Variants in DYNC1LI2 observed in about 807,000 individuals in gnomAD.
DYNC1LI2 encodes the protein cytoplasmic dynein 1 light intermediate chain 2.
A neutral mutation model predicts 57.8 loss-of-function variants in DYNC1LI2; 19 were observed. The observed-to-expected ratio is 0.33, with a 90% CI of 0.23 to 0.48. The LOEUF is 0.48. Among genes scored for constraint, DYNC1LI2 ranks in the 20% least tolerant of loss-of-function variants. The probability of loss-of-function intolerance (pLI) is 0.99; values close to 1 mark genes in which losing one functional copy is unlikely to be tolerated. For missense variants in DYNC1LI2, 470 were observed against 604.2 expected (o/e 0.78, Z 2.33); for synonymous variants, 256 against 233.4 (o/e 1.10, Z -0.88).
At chr16:66,747,374 C>T (rs1471263435) in intron 3 of DYNC1LI2, among the ~76,000 whole-genome samples, 1 of 151,894 alleles carries the variant, frequency 6.6e-6, no homozygotes, top group African/African-American at 2.4e-5. Flanking sequence ...CCGCGCCCAG[C>T]CACCCATGCC....
chr16:66,729,111 C>A lies in DYNC1LI2; in HGVS notation c.1042-12G>T. 1 of 1,614,064 alleles carries A rather than the reference C, an allele frequency of 6.2e-7. No homozygotes were observed. Among genetic ancestry groups the A allele is most frequent in the Non-Finnish European group, 8.5e-7 (1 of 1,180,032 alleles). On this transcript the variant is annotated splice_polypyrimidine_tract_variant and intron_variant, in intron 8 of 12. Coordinates refer to ENST00000258198, the MANE Select transcript of DYNC1LI2 (RefSeq NM_006141.3). ...TTGTCGTGGACCAGCTGTGAAACAACATACATGTTTGTGGCCACAGGCCAA... is the reference window on the plus strand; with the variant it reads ...TTGTCGTGGACCAGCTGTGAAACAAAATACATGTTTGTGGCCACAGGCCAA...
At chr16:66,747,935 AAACC>A (rs954705732) in intron 3 of DYNC1LI2, among the ~76,000 whole-genome samples, 11 of 152,284 alleles carry the variant, frequency 7.2e-5, no homozygotes, top group Admixed American at 7.2e-4. Flanking sequence ...TCTACCAAAA[AAACC>A]AACCAACCAA....
Position 66,723,771 on chromosome 16 carries a change from C to T in DYNC1LI2, c.1430G>A (p.Arg477Gln), listed in dbSNP as rs776347746. The T allele has an allele frequency of 7.5e-6, 12 of 1,608,390 alleles. No homozygotes were observed. The highest frequency in any genetic ancestry group is 1.0e-5 in the Non-Finnish European group (12 of 1,179,016). ...GTTTGTTACCATAGAGTCTGGCTTT[C>T]GAGTCATTCTATCCAGTTCTTCCTG... ...NVQEELDRMT[R>Q]KPDSMVTNSS... The change falls in exon 13 of 13, where the codon CGA (arginine) becomes CAA (glutamine). Residue 477 changes from arginine to glutamine, a missense_variant. By Grantham distance (43) the Arg-to-Gln change is conservative. Transcript: ENST00000258198.
At chr16:66,745,738 T>C (rs1383585621) in intron 3 of DYNC1LI2, among the ~76,000 whole-genome samples, 1 of 151,620 alleles carries the variant, frequency 6.6e-6, no homozygotes, top group African/African-American at 2.4e-5. Flanking sequence ...ACCCCATCTC[T>C]ACAAAAGATA....
Position 66,732,477 on chromosome 16 carries a change from A to G in DYNC1LI2, c.794-3T>C. The G allele has an allele frequency of 6.2e-7, 1 of 1,608,440 alleles. No homozygotes were observed. The highest frequency in any genetic ancestry group is 1.1e-5 in the South Asian group (1 of 89,978). On this transcript the variant is annotated splice_region_variant and splice_polypyrimidine_tract_variant and intron_variant, in intron 6 of 12. Transcript: ENST00000258198. ...TGTGTAAATCAAGGCAGCTCCATCT[A>G]ATCAATCTGCTCAAGAAAAATCAAT...
chr16:66,743,973 T>C (rs1196641222), intron 3 of DYNC1LI2, among the ~76,000 whole-genome samples: 1 of 152,250 alleles, frequency 6.6e-6, no homozygotes, highest in Admixed American at 6.5e-5. Flanking sequence ...TAAAATTTAA[T>C]GTCTGAAATC....
At chr16:66,746,680 T>C (rs951512109) in intron 3 of DYNC1LI2, among the ~76,000 whole-genome samples, 1 of 152,338 alleles carries the variant, frequency 6.6e-6, no homozygotes, top group South Asian at 2.1e-4. Flanking sequence ...ACAGATTACC[T>C]ACATCATGTT....
In DYNC1LI2 at chr16:66,723,451, T is replaced by C. The variant is rs556134457; in HGVS notation, c.*271A>G. 1.8e-6 allele frequency: 1 copy of C among 562,660 alleles called. No homozygotes were observed. Among genetic ancestry groups the C allele is most frequent in the South Asian group, 1.5e-5 (1 of 65,492 alleles). The allele number at this position is 562,660 out of a possible 1,614,324, so 34.9% of individuals were successfully genotyped here. A position where few individuals can be genotyped will look rare whatever the true frequency, so the allele number is the denominator to read the frequency against. On this transcript the variant is annotated 3_prime_UTR_variant, in exon 13 of 13. Transcript: ENST00000258198. ...CTCTTTCTTTCACTCTACCTTCCCC[T>C]CCACAAGAAGCCCAGATGTGCTTGC...
chr16:66,741,741 T>C (rs1319278377), intron 4 of DYNC1LI2, among the ~76,000 whole-genome samples: 1 of 151,608 alleles, frequency 6.6e-6, no homozygotes, highest in Non-Finnish European at 1.5e-5. Flanking sequence ...GGACAGAAGA[T>C]GATGTAACTG....
chr16:66,735,985 G>A (rs2017726112), intron 5 of DYNC1LI2, 90 bp downstream of exon 5: 1 of 1,507,838 alleles, frequency 6.6e-7, no homozygotes, highest in African/African-American at 1.4e-5. Context: ...AGTCTCCCTT[G>A]GGAAAAAAAC....
chr16:66,728,793 A>C (rs1255442918), intron 9 of DYNC1LI2, among the ~76,000 whole-genome samples: 1 of 152,234 alleles, frequency 6.6e-6, no homozygotes, highest in Non-Finnish European at 1.5e-5. Context: ...AAGAAAGAGC[A>C]CTTAAAAGAT....
At chr16:66,745,982 CCTAT>C (rs752401573) in intron 3 of DYNC1LI2, among the ~76,000 whole-genome samples, 206 of 151,834 alleles carry the variant, frequency 1.4e-3, no homozygotes, top group Non-Finnish European at 2.0e-3. Flanking sequence ...TAAAAAAAAA[CCTAT>C]CTTTTATTAA....
chr16:66,738,084 C>T (rs1001068869), intron 4 of DYNC1LI2, among the ~76,000 whole-genome samples: 1 of 152,208 alleles, frequency 6.6e-6, no homozygotes, highest in Non-Finnish European at 1.5e-5. Flanking sequence ...TCAAACATTT[C>T]AAACCACGAG....
chr16:66,749,470 G>A (rs972120069), intron 2 of DYNC1LI2, among the ~76,000 whole-genome samples, 157 bp from the exon 3 acceptor site: 1 of 152,182 alleles, frequency 6.6e-6, no homozygotes, highest in Non-Finnish European at 1.5e-5. Context: ...TGCTGGAAGA[G>A]TGGTTGGGAG....
chr16:66,727,921 G>A (rs2017565612), intron 10 of DYNC1LI2, 116 bp from the exon 11 acceptor site: 1 of 987,348 alleles, frequency 1.0e-6, no homozygotes, highest in Admixed American at 2.4e-5. Context: ...GTACAGGACT[G>A]GGAGTATGCT....
rs1297471902 is a variant in DYNC1LI2 at position 66,742,490 on chromosome 16, G to C, written c.477C>G (p.His159Gln). 8.1e-6 allele frequency: 13 copies of C among 1,614,112 alleles called. No individual in the cohort carries two copies. The highest frequency in any genetic ancestry group is 1.1e-5 in the Non-Finnish European group (13 of 1,180,000). Residue 159 changes from histidine (H) to glutamine (Q), a missense_variant, in exon 4 of 13, where the codon CAC (histidine) becomes CAG (glutamine). His to Gln is a conservative substitution (Grantham distance 24). Transcript: ENST00000258198. Reference sequence around the variant, plus strand: ...CTGGTGGAATTTTCATTTTATCAATGTGCTCACGTAAAACACTAGCCCATT... The same window carrying C: ...CTGGTGGAATTTTCATTTTATCAATCTGCTCACGTAAAACACTAGCCCATT... ...LQKWASVLRE[H>Q]IDKMKIPPEK...
chr16:66,744,732 G>GT lies in DYNC1LI2; in HGVS notation c.299-2065dup, dbSNP rs2017904240. 3.3e-5 allele frequency among the ~76,000 whole-genome samples: 5 copies of GT among 151,928 alleles called. No homozygotes were observed. The South Asian group carries it at 1.0e-3, about 32-fold the overall frequency. ...GTGCCACTACGCCTGGCTAATTTTTGTATTTTTAGTACAGATGGGGTTTCA... is the reference window on the plus strand; with the variant it reads ...GTGCCACTACGCCTGGCTAATTTTTGTTATTTTTAGTACAGATGGGGTTTCA... On this transcript the variant is annotated intron_variant, in intron 3 of 12. Coordinates refer to ENST00000258198, the MANE Select transcript of DYNC1LI2 (RefSeq NM_006141.3).
intron 3 of DYNC1LI2, among the ~76,000 whole-genome samples, chr16:66,746,823 G>A (rs1465733471): frequency 2.6e-5 from 4 of 152,192 alleles, no homozygotes; most frequent in Admixed American, 6.5e-5. Flanking sequence ...CTCAAGTACA[G>A]AGTGGTTAAG....
chr16:66,732,959 A>G (rs2017665706), intron 6 of DYNC1LI2: 1 of 152,298 alleles, frequency 6.6e-6, no homozygotes, highest in African/African-American at 2.4e-5. Context: ...GGCCATCCCA[A>G]AAAAGATGGC....
Sources: allele counts gnomAD v4.1 joint callset (sites outside exome capture counted in the v4.1 genomes callset), GRCh38; gene constraint gnomAD v4.1.1; transcripts MANE v1.5; gene names NCBI Gene and HGNC (gene_info 2026-07-23, HGNC 2026-07-21).